NEGR1: variants seen among roughly 807,000 people sequenced by gnomAD.
NEGR1 encodes the protein neuronal growth regulator 1.
NEGR1 carries 10 observed loss-of-function variants against 40.9 expected under a neutral mutation model. The ratio of observed to expected loss-of-function variants is 0.24; its 90% CI spans 0.15 to 0.42. The LOEUF (loss-of-function observed/expected upper bound fraction) is 0.42, where lower values mean the gene tolerates loss of function less well. NEGR1 is among the 10% of genes least tolerant of loss of function. The pLI, the probability that NEGR1 is intolerant of heterozygous loss-of-function variation, is 1.00. For synonymous variants in NEGR1, 185 were observed against 166.8 expected (o/e 1.11, Z -0.84); for missense variants, 352 against 438.9 (o/e 0.80, Z 1.77).
At chr1:71,814,318 T>G (rs1658118710) in intron 2 of NEGR1, among the ~76,000 whole-genome samples, 1 of 152,166 alleles carries the variant, frequency 6.6e-6, no homozygotes, top group Non-Finnish European at 1.5e-5. Context: ...TTTGCAAGTA[T>G]TTTATTGAGG....
chr1:72,189,032 C>T (rs555075924), intron 1 of NEGR1, among the ~76,000 whole-genome samples: 2 of 151,500 alleles, frequency 1.3e-5, no homozygotes, highest in East Asian at 1.9e-4. Context: ...GTAAAAGTAA[C>T]GCATTTGCAC....
intron 1 of NEGR1, among the ~76,000 whole-genome samples, chr1:72,148,221 C>T (rs141067028): frequency 0.011 from 1,730 of 152,262 alleles, 26 homozygotes; most frequent in African/African-American, 0.04. Context: ...CATTTCCATA[C>T]ATCCTTTGAA....
intron 5 of NEGR1, among the ~76,000 whole-genome samples, chr1:71,609,802 C>T (rs1650195087): frequency 6.6e-6 from 1 of 152,274 alleles, no homozygotes; most frequent in Non-Finnish European, 1.5e-5. Context: ...GAGGTGTCCC[C>T]ACCCAAAATC....
intron 5 of NEGR1, among the ~76,000 whole-genome samples, chr1:71,598,336 C>A (rs2101528880): frequency 6.6e-6 from 1 of 152,218 alleles, no homozygotes; most frequent in Non-Finnish European, 1.5e-5. Context: ...GTCACCTATG[C>A]CAGGAAAGCC....
At chr1:71,527,413 ATCC>A (rs1647230747) in intron 6 of NEGR1, among the ~76,000 whole-genome samples, 1 of 148,192 alleles carries the variant, frequency 6.7e-6, no homozygotes, top group Non-Finnish European at 1.5e-5. Context: ...CCATCCATCC[ATCC>A]ATCCATCCAT....
chr1:71,878,353 C>G (rs1278606036), intron 2 of NEGR1, among the ~76,000 whole-genome samples: 1 of 152,094 alleles, frequency 6.6e-6, no homozygotes, highest in African/African-American at 2.4e-5. Context: ...ACCTGAAGGG[C>G]CTGTTAAAAC....
chr1:72,107,162 C>A (rs1649169758), intron 1 of NEGR1, among the ~76,000 whole-genome samples: 1 of 151,564 alleles, frequency 6.6e-6, no homozygotes, highest in South Asian at 2.1e-4. Context: ...GAAATGATAA[C>A]AGAGGAGGGA....
At chr1:71,826,540 C>T (rs991986065) in intron 2 of NEGR1, among the ~76,000 whole-genome samples, 3 of 151,792 alleles carry the variant, frequency 2.0e-5, no homozygotes, top group Admixed American at 6.6e-5. Context: ...TAACATGATG[C>T]ACACTTTCTG....
At chr1:72,146,709 A>C (rs1232124308) in intron 1 of NEGR1, among the ~76,000 whole-genome samples, 1 of 152,206 alleles carries the variant, frequency 6.6e-6, no homozygotes, top group Non-Finnish European at 1.5e-5. Context: ...AAATCTGAAA[A>C]GAATCAAATT....
chr1:71,458,268 T>C (rs1249217709), intron 6 of NEGR1, among the ~76,000 whole-genome samples: 1 of 152,242 alleles, frequency 6.6e-6, no homozygotes, highest in African/African-American at 2.4e-5. Flanking sequence ...TGCCATTATA[T>C]TCTCTAAATG....
chr1:72,012,109 G>T (rs1232217066), intron 1 of NEGR1, among the ~76,000 whole-genome samples: 1 of 152,070 alleles, frequency 6.6e-6, no homozygotes, highest in African/African-American at 2.4e-5. Context: ...TGAAATTATT[G>T]ATATATTATA....
At chr1:71,739,000 A>AC (rs1655124568) in intron 3 of NEGR1, among the ~76,000 whole-genome samples, 1 of 151,428 alleles carries the variant, frequency 6.6e-6, no homozygotes, top group Non-Finnish European at 1.5e-5. Context: ...CAAAACAAAC[A>AC]CCCCCCACCC....
At chr1:72,089,393 C>A (rs1391324557) in intron 1 of NEGR1, among the ~76,000 whole-genome samples, 2 of 152,136 alleles carry the variant, frequency 1.3e-5, no homozygotes, top group Admixed American at 6.5e-5. Context: ...TCATGATAAA[C>A]ATATAATAAT....
In NEGR1 at chr1:71,400,889, C is replaced by T. The variant is rs574056107; in HGVS notation, c.*6557G>A. On this transcript the variant is annotated 3_prime_UTR_variant, in exon 7 of 7. Transcript: ENST00000357731. ...CTCTACTAAAAATACAAAACTTAGC[C>T]AGGTGTGGTGGCACGTGCCTATAAT... is the stretch of plus-strand genomic sequence containing the variant. 5.3e-5 allele frequency: 8 copies of T among 152,240 alleles called. No homozygotes were observed. The highest frequency in any genetic ancestry group is 1.7e-4 in the African/African-American group (7 of 41,518). 9.4% of individuals were successfully genotyped at this position (152,240 alleles called of 1,614,324 possible). A position where few individuals can be genotyped will look rare whatever the true frequency, so the allele number is the denominator to read the frequency against.
intron 6 of NEGR1, among the ~76,000 whole-genome samples, chr1:71,531,840 T>C (rs1174107243): frequency 1.3e-5 from 2 of 151,396 alleles, no homozygotes; most frequent in African/African-American, 4.8e-5. Flanking sequence ...ACATGTTTCA[T>C]TTTGGGGTGG....
rs1424899029 is a variant in NEGR1 at position 71,397,652 on chromosome 1, G to A, written c.*9794C>T. 1 of 152,268 alleles carries A rather than the reference G, an allele frequency of 6.6e-6. No homozygotes were observed. Among genetic ancestry groups the A allele is most frequent in the East Asian group, 1.9e-4 (1 of 5,166 alleles). 9.4% of individuals were successfully genotyped at this position (152,268 alleles called of 1,614,324 possible). A position where few individuals can be genotyped will look rare whatever the true frequency, so the allele number is the denominator to read the frequency against. On this transcript the variant is annotated 3_prime_UTR_variant, in exon 7 of 7. Coordinates refer to ENST00000357731, the MANE Select transcript of NEGR1 (RefSeq NM_173808.3). ...GGCATTCAGTTTTAAAAGGGAAACA[G>A]TATAAAAGTTTGAAAAATTTACAGA... is the stretch of plus-strand genomic sequence containing the variant.
At chr1:71,943,021 TATATATACACACATAC>T (rs1645983359) in intron 1 of NEGR1, among the ~76,000 whole-genome samples, 1 of 134,370 alleles carries the variant, frequency 7.4e-6, no homozygotes, top group South Asian at 2.2e-4. Context: ...TATATGTGTA[TATATATACACACATAC>T]ATATATATGT....
chr1:71,592,777 G>A lies in NEGR1; in HGVS notation c.940+40C>T, dbSNP rs753739094. On this transcript the variant is annotated intron_variant, in intron 6 of 6. Transcript: ENST00000357731. Reference sequence around the variant, plus strand: ...ATCTCTACAGATGGATAGGGGCCCAGAGGCCCCTGGAAGCATTTTGGTACC... The same window carrying A: ...ATCTCTACAGATGGATAGGGGCCCAAAGGCCCCTGGAAGCATTTTGGTACC... 6 of 1,541,606 alleles carry A rather than the reference G, an allele frequency of 3.9e-6. No homozygotes were observed. The African/African-American group carries it at 6.8e-5, about 18-fold the overall frequency.
intron 6 of NEGR1, among the ~76,000 whole-genome samples, chr1:71,588,688 A>G (rs1649394137): frequency 6.6e-6 from 1 of 152,178 alleles, no homozygotes; most frequent in Non-Finnish European, 1.5e-5. Flanking sequence ...CATGGAAGAT[A>G]AAGGGGTTTA....
Sources: gnomAD v4.1 joint callset for allele counts (sites outside exome capture counted in the v4.1 genomes callset) on GRCh38, gnomAD v4.1.1 for gene constraint, MANE v1.5 for transcripts, NCBI Gene and HGNC (gene_info 2026-07-23, HGNC 2026-07-21) for gene names.